NPIPA5: variants seen among roughly 807,000 people sequenced by gnomAD.
NPIPA5 encodes the protein nuclear pore complex-interacting protein family member A5.
Under a neutral mutation model 21.4 loss-of-function variants are expected in NPIPA5, and 6 were observed. The ratio of observed to expected loss-of-function variants is 0.28; its 90% CI spans 0.15 to 0.55. The LOEUF (loss-of-function observed/expected upper bound fraction) is 0.55, where lower values mean the gene tolerates loss of function less well. Ranked by LOEUF, NPIPA5 falls within the 20% of genes least tolerant of loss-of-function variation. The pLI is 0.93. For synonymous variants in NPIPA5, 33 were observed against 115.3 expected (o/e 0.29, Z 4.57); for missense variants, 99 against 318.2 (o/e 0.31, Z 5.24).
upstream of NPIPA5, among the ~76,000 whole-genome samples, chr16:15,380,311 C>G (rs938772264): frequency 6.7e-5 from 10 of 150,040 alleles, no homozygotes; most frequent in Non-Finnish European, 1.3e-4. Context: ...ATTTCCTTTT[C>G]AAATTTTGCA....
Position 15,372,644 on chromosome 16 carries a change from G to A in NPIPA5, c.192+1071C>T, listed in dbSNP as rs368670276. Among the ~76,000 whole-genome samples the A allele has an allele frequency of 3.5e-4, 51 of 145,554 alleles. 4 individuals are homozygous for A. The highest frequency in any genetic ancestry group is 9.2e-4 in the African/African-American group (37 of 40,236). Reference sequence around the variant, plus strand: ...ATCTTGAAAGGCAGTGCCAAATGACGTGTAATTATCTAGGCAGTAAAACTG... The same window carrying A: ...ATCTTGAAAGGCAGTGCCAAATGACATGTAATTATCTAGGCAGTAAAACTG... On this transcript the variant is annotated intron_variant, in intron 2 of 7. Coordinates refer to ENST00000360151, the MANE Select transcript of NPIPA5 (RefSeq NM_001277325.2).
upstream of NPIPA5, among the ~76,000 whole-genome samples, chr16:15,380,175 ATGT>A (rs1255569827): frequency 1.3e-5 from 2 of 152,038 alleles, no homozygotes; most frequent in African/African-American, 4.8e-5. Flanking sequence ...TATGTATTAC[ATGT>A]TGTAAAATAA....
At chr16:15,374,495 C>A (rs1477569684) in intron 1 of NPIPA5, among the ~76,000 whole-genome samples, 1 of 151,116 alleles carries the variant, frequency 6.6e-6, no homozygotes, top group Admixed American at 6.6e-5. Context: ...CGTGCCCAGC[C>A]ATTTTTTTTG....
chr16:15,371,555 T>A (rs1269084214), intron 2 of NPIPA5, among the ~76,000 whole-genome samples: 1 of 145,614 alleles, frequency 6.9e-6, no homozygotes, highest in Non-Finnish European at 1.5e-5. Flanking sequence ...CATGCTGAAG[T>A]GCAGTGGCGC....
At chr16:15,381,022 G>C (rs1423526396), upstream of NPIPA5, 19 of 1,515,064 alleles carry the variant, frequency 1.3e-5, no homozygotes, top group African/African-American at 2.1e-4. Context: ...GAACCGTGGG[G>C]TCAGGACAAT....
At chr16:15,374,815 CT>C (rs2150875686) in intron 1 of NPIPA5, among the ~76,000 whole-genome samples, 1 of 112,156 alleles carries the variant, frequency 8.9e-6, no homozygotes, top group East Asian at 2.7e-4. Context: ...TGGCCAAAAT[CT>C]CCTAATGTTT....
At chr16:15,374,129 C>T (rs956573047) in intron 1 of NPIPA5, among the ~76,000 whole-genome samples, 1 of 146,916 alleles carries the variant, frequency 6.8e-6, no homozygotes, top group Admixed American at 6.9e-5. Flanking sequence ...TTAAAAGAAG[C>T]AAAGTTGTCT....
At chr16:15,369,254 G>A (rs1293680387) in intron 4 of NPIPA5, among the ~76,000 whole-genome samples, 13 of 148,602 alleles carry the variant, frequency 8.7e-5, no homozygotes, top group Non-Finnish European at 1.5e-4. Context: ...TCAGAAGTTC[G>A]AGACCAGTCT....
At chr16:15,376,848 A>ACTAAAAATACAAATATTAGCCAGGCG in intron 1 of NPIPA5, among the ~76,000 whole-genome samples, 1 of 71,740 alleles carries the variant, frequency 1.4e-5, no homozygotes, top group South Asian at 6.5e-4. Flanking sequence ...TTAGCCAGGC[A>ACTAAAAATACAAATATTAGCCAGGCG]TTGTAATCTG....
chr16:15,376,646 C>T (rs912924608), intron 1 of NPIPA5, among the ~76,000 whole-genome samples: 387 of 151,860 alleles, frequency 2.5e-3, no homozygotes, highest in Non-Finnish European at 4.5e-3. Flanking sequence ...TGGCCAGGCG[C>T]GGTGGCTCAC....
In NPIPA5 at chr16:15,370,440, A is replaced by ACG. The variant is rs1396508127; in HGVS notation, c.193-322_193-321insCG. Among the ~76,000 whole-genome samples the ACG allele has an allele frequency of 5.2e-4, 73 of 141,624 alleles. 5 individuals are homozygous for ACG. The highest frequency in any genetic ancestry group is 7.0e-3 in the Middle Eastern group (2 of 284). 92.9% of individuals were successfully genotyped at this position (141,624 alleles called of 152,430 possible). A position where few individuals can be genotyped will look rare whatever the true frequency, so the allele number is the denominator to read the frequency against. ...GACTCTGTCACACACACACACACAC[A>ACG]CACACACACAAACACACAAGAATGA... On this transcript the variant is annotated intron_variant, in intron 2 of 7. Coordinates refer to ENST00000360151, the MANE Select transcript of NPIPA5 (RefSeq NM_001277325.2).
intron 4 of NPIPA5, among the ~76,000 whole-genome samples, chr16:15,368,370 A>G (rs1437220410): frequency 2.0e-5 from 3 of 152,048 alleles, no homozygotes; most frequent in Non-Finnish European, 2.9e-5. Context: ...AGGACCCCTG[A>G]CCATCCCCCA....
intron 1 of NPIPA5, among the ~76,000 whole-genome samples, chr16:15,374,364 A>C (rs1169546766): frequency 1.3e-5 from 2 of 151,264 alleles, no homozygotes; most frequent in Admixed American, 6.6e-5. Flanking sequence ...ATGCCTGACT[A>C]ATTTTTGTAT....
At chr16:15,368,357 T>A (rs367793) in intron 4 of NPIPA5, among the ~76,000 whole-genome samples, 1 of 152,022 alleles carries the variant, frequency 6.6e-6, no homozygotes, top group Non-Finnish European at 1.5e-5. Flanking sequence ...GCAGCCTGTA[T>A]GGAGGACCCC....
intron 1 of NPIPA5, among the ~76,000 whole-genome samples, chr16:15,375,054 CT>C (rs2050253593): frequency 6.6e-6 from 1 of 151,528 alleles, no homozygotes; most frequent in Non-Finnish European, 1.5e-5. Flanking sequence ...GCCTCAGCTA[CT>C]GAGTAACTGG....
intron 2 of NPIPA5, among the ~76,000 whole-genome samples, chr16:15,370,774 G>C (rs977628581): frequency 2.0e-5 from 3 of 147,678 alleles, no homozygotes; most frequent in African/African-American, 4.9e-5. Flanking sequence ...AAATAGGCCA[G>C]GTGCGGTAGC....
chr16:15,380,616 C>T (rs1008693879), upstream of NPIPA5, among the ~76,000 whole-genome samples: 4 of 151,840 alleles, frequency 2.6e-5, no homozygotes, highest in African/African-American at 9.7e-5. Context: ...AGTCACCATG[C>T]CCAGCCTAAA....
chr16:15,371,409 C>T lies in NPIPA5; in HGVS notation c.193-1290G>A, dbSNP rs941757051. Among the ~76,000 whole-genome samples, 35 of 148,240 alleles carry T rather than the reference C, an allele frequency of 2.4e-4. 5 individuals carry two copies. The highest frequency in any genetic ancestry group is 2.7e-4 in the Non-Finnish European group (18 of 67,212). ...ATTATCACAGTATGCTTTTAATCTT[C>T]GAAGATATTAAATATTTGTTCTCAT... On this transcript the variant is annotated intron_variant, in intron 2 of 7. Transcript: ENST00000360151.
At chr16:15,366,799 C>G (rs1386574721) in intron 4 of NPIPA5, 39 bp from the exon 5 acceptor site, 1 of 1,493,136 alleles carries the variant, frequency 6.7e-7, no homozygotes, top group Non-Finnish European at 8.9e-7. Context: ...ATCCACCAGC[C>G]CGTGTGGGAT....
Sources: allele counts gnomAD v4.1 joint callset (sites outside exome capture counted in the v4.1 genomes callset), GRCh38; gene constraint gnomAD v4.1.1; transcripts MANE v1.5; gene names NCBI Gene and HGNC (gene_info 2026-07-23, HGNC 2026-07-21).